Variants in NEB observed in about 807,000 individuals in gnomAD.
NEB encodes nebulin.
In NEB, 512 loss-of-function variants were observed where a neutral mutation model predicts 952.2. The observed-to-expected ratio is 0.54, with a 90% confidence interval of 0.50 to 0.58. NEB has a LOEUF of 0.58. NEB is among the 20% of genes least tolerant of loss of function. The pLI is 0.00. For synonymous variants in NEB, 2,900 were observed against 3,149.8 expected (o/e 0.92, Z 2.66); for missense variants, 8,428 against 9,231.1 (o/e 0.91, Z 3.56).
At chr2:151,531,420 A>G (rs2090864949) in intron 144 of NEB, among the ~76,000 whole-genome samples, 1 of 145,180 alleles carries the variant, frequency 6.9e-6, no homozygotes, top group East Asian at 2.1e-4. Context: ...GGGCTCAAGC[A>G]ATTGTCACGC....
At position 151,562,779 on chromosome 2, in the gene NEB, G is replaced by T; in HGVS notation, c.18723C>A (p.Thr6241=). 1 of 1,582,170 alleles carries T rather than the reference G, an allele frequency of 6.3e-7. No individual in the cohort carries two copies. The highest frequency in any genetic ancestry group is 1.2e-5 in the South Asian group (1 of 86,554). ...ALNYRKHYED[T]KANVHIPNDM... ...CATTGGGGATATGAACATTTGCTTTGGTATCCTCATAATGTTTTCTGTAGT... is the reference window on the plus strand; with the variant it reads ...CATTGGGGATATGAACATTTGCTTTTGTATCCTCATAATGTTTTCTGTAGT... The change falls in exon 120 of 182, where the codon ACC becomes ACA. Residue 6241 remains threonine, a synonymous_variant. Coordinates refer to ENST00000397345, the MANE Select transcript of NEB (RefSeq NM_001164508.2).
In NEB at chr2:151,568,706, C is replaced by T. The variant is rs776552937; in HGVS notation, c.17546G>A (p.Arg5849His). The T allele has an allele frequency of 8.2e-6, 13 of 1,594,150 alleles. No individual in the cohort carries two copies. The highest frequency in any genetic ancestry group is 4.0e-5 in the African/African-American group (3 of 74,664). Residue 5849 changes from arginine (R) to histidine (H), a missense_variant, in exon 111 of 182, where the codon CGC (arginine) becomes CAC (histidine). Coordinates refer to ENST00000397345, the MANE Select transcript of NEB (RefSeq NM_001164508.2). ...AAAGTTGAGAGTTTCTATTTTTGTG[C>T]GATATTTTTTCTATGGGAAAGAAAG... Reference protein sequence around the residue: ...AADIFSEKKYRTKIETLNFTP... With the variant: ...AADIFSEKKYHTKIETLNFTP...
chr2:151,491,727 G>A lies in NEB; in HGVS notation c.25106C>T (p.Pro8369Leu). 2 of 1,598,606 alleles carry A rather than the reference G, an allele frequency of 1.3e-6. No individual in the cohort carries two copies. The highest frequency in any genetic ancestry group is 2.3e-5 in the South Asian group (2 of 88,018). The change falls in exon 179 of 182, where the codon CCA (proline) becomes CTA (leucine). Residue 8369 changes from proline (P) to leucine (L), a missense_variant. Pro to Leu is a moderately conservative substitution (Grantham distance 98). Coordinates refer to ENST00000397345, the MANE Select transcript of NEB (RefSeq NM_001164508.2). ...TNPGSVFDYDPAEDNIQSRSL... is the reference protein window; with the variant it reads ...TNPGSVFDYDLAEDNIQSRSL... ...TCGGGACTGGATGTTGTCTTCTGCT[G>A]GATCATAGTCAAAAACCGAACCAGG...
At position 151,710,436 on chromosome 2, in the gene NEB, T is replaced by G; in HGVS notation, c.925A>C (p.Thr309Pro). Residue 309 changes from threonine (T) to proline (P), a missense_variant and splice_region_variant, in exon 11 of 182, where the codon ACA becomes CCA. Transcript: ENST00000397345. ...CCAGCCATCCCTTCCCACTTAACTG[T>G]GCTAATGTTATCAGCATTCATTCTG... ...NARMNADNIS[T>P]RKYQEDFENM... is the part of the protein sequence containing the mutation. 1 of 1,607,986 alleles carries G rather than the reference T, an allele frequency of 6.2e-7. No homozygotes were observed. Among genetic ancestry groups the G allele is most frequent in the Non-Finnish European group, 8.5e-7 (1 of 1,174,806 alleles).
chr2:151,674,951 G>A (rs1279265677), intron 35 of NEB, among the ~76,000 whole-genome samples: 3 of 152,138 alleles, frequency 2.0e-5, no homozygotes, highest in African/African-American at 4.8e-5. Context: ...AAATTTTAGG[G>A]TTGTTATTTT....
At chr2:151,732,749 T>C in intron 3 of NEB, among the ~76,000 whole-genome samples, 1 of 152,130 alleles carries the variant, frequency 6.6e-6, no homozygotes, top group East Asian at 1.9e-4. Context: ...TCTATTGCTA[T>C]ACAGATACTA....
intron 145 of NEB, among the ~76,000 whole-genome samples, chr2:151,530,479 A>T (rs959605611): frequency 6.6e-6 from 1 of 152,182 alleles, no homozygotes; most frequent in African/African-American, 2.4e-5. Flanking sequence ...AGGGAGCCAT[A>T]GTGGGGTTTA....
intron 46 of NEB, among the ~76,000 whole-genome samples, chr2:151,661,342 C>T (rs182526706): frequency 6.6e-6 from 1 of 152,190 alleles, no homozygotes; most frequent in Non-Finnish European, 1.5e-5. Context: ...CTCCACAAAT[C>T]ATTCAATTCT....
rs77732019 is a variant in NEB, at chr2:151,496,814, A to T, written c.24393+127T>A. The stretch of plus-strand genomic sequence containing the variant: ...TAGAAGTAGCCCAAAGGAAAAAAGG[A>T]TAAATTTGCTAAAGAAAGAAGTTCA... On this transcript the variant is annotated intron_variant, in intron 172 of 181. Transcript: ENST00000397345. The T allele has an allele frequency of 7.6e-6, 9 of 1,191,532 alleles. No individual in the cohort carries two copies. In the East Asian group the frequency reaches 2.1e-4, roughly 27 times the overall value. 73.8% of individuals were successfully genotyped at this position (1,191,532 alleles called of 1,614,324 possible).
intron 162 of NEB, 126 bp from the exon 163 acceptor site, chr2:151,507,139 T>TA: frequency 1.6e-6 from 1 of 620,982 alleles, no homozygotes. Context: ...ACAATAATTA[T>TA]GGTCTGGTAG....
intron 85 of NEB, among the ~76,000 whole-genome samples, chr2:151,604,196 C>T (rs2097594376): frequency 8.4e-6 from 1 of 119,570 alleles, no homozygotes; most frequent in African/African-American, 4.1e-5. Flanking sequence ...CACCCTGCCC[C>T]CCATCTCTCT....
At position 151,694,397 on chromosome 2, in the gene NEB, T is replaced by G; in HGVS notation, c.1822A>C (p.Met608Leu). Reference sequence around the variant, plus strand: ...TCATTAATGCTGAGGACTCCAATCATTTTCCCTTTGTTTTTTTCATAGTCT... The same window carrying G: ...TCATTAATGCTGAGGACTCCAATCAGTTTCCCTTTGTTTTTTTCATAGTCT... ...KKDYEKNKGKMIGVLSINDDP... is the reference protein window; with the variant it reads ...KKDYEKNKGKLIGVLSINDDP... Residue 608 changes from methionine to leucine, a missense_variant, in exon 20 of 182, where the codon ATG becomes CTG. Met to Leu is a conservative substitution (Grantham distance 15). Coordinates refer to ENST00000397345, the MANE Select transcript of NEB (RefSeq NM_001164508.2). 6.2e-7 allele frequency: 1 copy of G among 1,613,950 alleles called. No individual in the cohort carries two copies. Among genetic ancestry groups the G allele is most frequent in the African/African-American group, 1.3e-5 (1 of 75,024 alleles).
At chr2:151,547,402 C>T (rs1227299347) in intron 133 of NEB, 27 bp downstream of exon 133, 2 of 1,536,048 alleles carry the variant, frequency 1.3e-6, no homozygotes, top group Non-Finnish European at 1.8e-6. Context: ...TAAGACTACT[C>T]CAGAAAGACC....
Position 151,695,631 on chromosome 2 carries a change from G to C in NEB, c.1621C>G (p.Pro541Ala), listed in dbSNP as rs1324280943. ...TGCTGGATAAAAGCAGGAGTATCAGGGGGGATATGGCACTTGAACTTTTCA... is the reference window on the plus strand; with the variant it reads ...TGCTGGATAAAAGCAGGAGTATCAGCGGGGATATGGCACTTGAACTTTTCA... ...ESEKFKCHIP[P>A]DTPAFIQHKV... Residue 541 changes from proline to alanine, a missense_variant, in exon 18 of 182, where the codon CCT becomes GCT. Around this residue, in one of 11 missense-constraint regions of NEB, gnomAD observed 2,851 missense variants for 2,791.5 expected, o/e 1.02. Coordinates refer to ENST00000397345, the MANE Select transcript of NEB (RefSeq NM_001164508.2). The C allele has an allele frequency of 6.2e-7, 1 of 1,613,820 alleles. No individual in the cohort carries two copies. The highest frequency in any genetic ancestry group is 1.3e-5 in the African/African-American group (1 of 74,942).
At position 151,625,637 on chromosome 2, in the gene NEB, C is replaced by T. The variant is rs367627899; in HGVS notation, c.10349G>A (p.Arg3450His). 1.7e-5 allele frequency: 27 copies of T among 1,583,572 alleles called. No homozygotes were observed. Among genetic ancestry groups the T allele is most frequent in the African/African-American group, 6.7e-5 (5 of 74,348 alleles). ...TTTGTCCCAGGCTTCTGTGTATAAG[C>T]GCTGTGAAGGATAAAAAGGTTAATG... Reference protein sequence around the residue: ...AKNNALNMNKRLYTEAWDKDK... With the variant: ...AKNNALNMNKHLYTEAWDKDK... The change falls in exon 71 of 182, where the codon CGC becomes CAC. Residue 3450 changes from arginine (R) to histidine (H), a missense_variant and splice_region_variant. By Grantham distance (29) the Arg-to-His change is conservative. Around this residue, in one of 11 missense-constraint regions of NEB, gnomAD observed 1,772 missense variants for 1,960.3 expected, o/e 0.90. Transcript: ENST00000397345.
intron 181 of NEB, among the ~76,000 whole-genome samples, chr2:151,487,975 ATACTTTGTATTATG>A (rs1230468091): frequency 2.0e-5 from 3 of 152,134 alleles, no homozygotes; most frequent in African/African-American, 4.8e-5. Flanking sequence ...ATTCAATTTG[ATACTTTGTATTATG>A]TACTTTATCT....
In NEB at chr2:151,578,206, G is replaced by C. The variant is rs941959255; in HGVS notation, c.16704+1132C>G. On this transcript the variant is annotated intron_variant, in intron 105 of 181. Transcript: ENST00000397345. ...TGTAATCCATCATTTCCAAAAGTTT[G>C]AAGGGCGGAAAATACGAGTAAATCT... Among the ~76,000 whole-genome samples the C allele has an allele frequency of 3.9e-5, 6 of 152,034 alleles. No individual in the cohort carries two copies. In the South Asian group the frequency reaches 8.3e-4, roughly 21 times the overall value.
intron 50 of NEB, 64 bp from the exon 51 acceptor site, chr2:151,655,438 G>A: frequency 1.3e-5 from 11 of 876,384 alleles, no homozygotes; most frequent in Non-Finnish European, 1.9e-5. Context: ...AGAAAAATAT[G>A]TATTTATATA....
Position 151,513,587 on chromosome 2 carries a change from G to A in NEB, c.23234C>T (p.Ala7745Val). The A allele has an allele frequency of 6.2e-7, 1 of 1,603,352 alleles. No individual in the cohort carries two copies. Among genetic ancestry groups the A allele is most frequent in the Non-Finnish European group, 8.5e-7 (1 of 1,173,866 alleles). Reference sequence around the variant, plus strand: ...TCGAATAGTAGCACTGACCTGACTGGCAATATCAGTAGCATTCCTGGCCCT... The same window carrying A: ...TCGAATAGTAGCACTGACCTGACTGACAATATCAGTAGCATTCCTGGCCCT... ...FMRARNATDI[A>V]SQIKYKQSAE... is the part of the protein sequence containing the mutation. Residue 7745 changes from alanine (A) to valine (V), a missense_variant, in exon 160 of 182, where the codon GCC becomes GTC. Coordinates refer to ENST00000397345, the MANE Select transcript of NEB (RefSeq NM_001164508.2).
Sources: gnomAD v4.1 joint callset for allele counts (sites outside exome capture counted in the v4.1 genomes callset) on GRCh38, gnomAD v4.1.1 for gene constraint, gnomAD v4.1.1 regional missense constraint, MANE v1.5 for transcripts, NCBI Gene and HGNC (gene_info 2026-07-23, HGNC 2026-07-21) for gene names.